SERINC5: variants seen among roughly 807,000 people sequenced by gnomAD.
SERINC5 encodes the protein chromosome 5 open reading frame 12.
In SERINC5, 41 loss-of-function variants were observed where a neutral mutation model predicts 63.1. The ratio of observed to expected loss-of-function variants is 0.65; its 90% CI spans 0.51 to 0.84. The LOEUF (loss-of-function observed/expected upper bound fraction) is 0.84, where lower values mean the gene tolerates loss of function less well. SERINC5 is among the 40% of genes least tolerant of loss of function. The pLI is 0.00. For synonymous variants in SERINC5, 222 were observed against 215.2 expected (o/e 1.03, Z -0.28); for missense variants, 523 against 573.0 (o/e 0.91, Z 0.89).
chr5:80,209,077 C>A (rs967337049), intron 1 of SERINC5, among the ~76,000 whole-genome samples: 1 of 152,192 alleles, frequency 6.6e-6, no homozygotes. Context: ...GCCTGGCCAA[C>A]CTGGCCAACA....
At chr5:80,232,327 C>T (rs1314514856) in intron 1 of SERINC5, among the ~76,000 whole-genome samples, 1 of 151,760 alleles carries the variant, frequency 6.6e-6, no homozygotes, top group Non-Finnish European at 1.5e-5. Flanking sequence ...TGGCAAGAAC[C>T]CGGGATGTGG....
intron 1 of SERINC5, among the ~76,000 whole-genome samples, chr5:80,208,303 G>T (rs1750267066): frequency 6.6e-6 from 1 of 151,564 alleles, no homozygotes; most frequent in Non-Finnish European, 1.5e-5. Context: ...CCGTGCAAGT[G>T]GGGAGGGGAG....
At chr5:80,198,808 G>T in intron 2 of SERINC5, 1 of 639,918 alleles carries the variant, frequency 1.6e-6, no homozygotes, top group Non-Finnish European at 1.9e-6. Flanking sequence ...AAAAGGATTG[G>T]TTTCACCCAC....
chr5:80,132,932 C>G (rs1745005211), intron 11 of SERINC5, among the ~76,000 whole-genome samples: 1 of 152,174 alleles, frequency 6.6e-6, no homozygotes, highest in Non-Finnish European at 1.5e-5. Context: ...CTGTTGGTGT[C>G]TTCACATGGT....
intron 1 of SERINC5, among the ~76,000 whole-genome samples, chr5:80,241,591 CTTGG>C (rs1751944222): frequency 6.6e-6 from 1 of 152,074 alleles, no homozygotes; most frequent in Non-Finnish European, 1.5e-5. Context: ...GTTTCAGTTA[CTTGG>C]TAGGCTGAGG....
Position 80,140,331 on chromosome 5 carries a change from AAG to A in SERINC5, c.*3330_*3331del. ...AAAAAAAAAAAAAAAAAAAAAAAAA[AAG>A]GCTTAGGGTGACAATTTTGACATGG... On this transcript the variant is annotated 3_prime_UTR_variant, in exon 12 of 12. Transcript: ENST00000507668. 2 of 834,938 alleles carry A rather than the reference AAG, an allele frequency of 2.4e-6. No individual in the cohort carries two copies. The highest frequency in any genetic ancestry group is 1.1e-4 in the South Asian group (2 of 17,702). 51.7% of individuals were successfully genotyped at this position (834,938 alleles called of 1,614,324 possible).
chr5:80,193,692 G>A (rs558018502), intron 2 of SERINC5, among the ~76,000 whole-genome samples: 1 of 152,224 alleles, frequency 6.6e-6, no homozygotes, highest in Admixed American at 6.5e-5. Flanking sequence ...ACTCTCAGCA[G>A]AATATCCATT....
At chr5:80,146,634 T>G (rs1745844932) in intron 10 of SERINC5, among the ~76,000 whole-genome samples, 3 of 152,082 alleles carry the variant, frequency 2.0e-5, no homozygotes, top group Admixed American at 2.0e-4. Flanking sequence ...GTATTGTTTT[T>G]TAGTAGAGAC....
chr5:80,130,637 A>C (rs549247053), intron 11 of SERINC5, among the ~76,000 whole-genome samples: 59 of 152,292 alleles, frequency 3.9e-4, no homozygotes, highest in Non-Finnish European at 7.9e-4. Flanking sequence ...CTATCTACCT[A>C]AGTATCACCC....
chr5:80,205,107 C>G lies in SERINC5; in HGVS notation c.28-2054G>C, dbSNP rs542619430. Among the ~76,000 whole-genome samples the G allele has an allele frequency of 8.1e-4, 124 of 152,164 alleles. 1 individual carries two copies. The highest frequency in any genetic ancestry group is 3.2e-3 in the Middle Eastern group (1 of 316). ...TACCCAACACATGCCCGTGTCTGCA[C>G]TGATAAGGAGAGTTACACAGACAGC... On this transcript the variant is annotated intron_variant, in intron 1 of 11. Coordinates refer to ENST00000507668, the MANE Select transcript of SERINC5 (RefSeq NM_001174072.3).
At chr5:80,237,757 GA>G (rs1032484554) in intron 1 of SERINC5, among the ~76,000 whole-genome samples, 91 of 143,298 alleles carry the variant, frequency 6.4e-4, no homozygotes, top group African/African-American at 7.4e-4. Context: ...CCCTCTGCAA[GA>G]AAAAAAAAAA....
chr5:80,254,280 C>T (rs1225804233), intron 1 of SERINC5, among the ~76,000 whole-genome samples: 1 of 152,188 alleles, frequency 6.6e-6, no homozygotes, highest in East Asian at 1.9e-4. Flanking sequence ...ACAGTGTGAT[C>T]ACCATCACAC....
intron 6 of SERINC5, among the ~76,000 whole-genome samples, 181 bp downstream of exon 6, chr5:80,169,154 C>T (rs2112383381): frequency 6.6e-6 from 1 of 152,314 alleles, no homozygotes; most frequent in African/African-American, 2.4e-5. Context: ...TTGGCTATCA[C>T]AGCTCGAGCA....
chr5:80,198,491 C>A, intron 2 of SERINC5: 1 of 983,512 alleles, frequency 1.0e-6, no homozygotes, highest in Non-Finnish European at 1.2e-6. Flanking sequence ...CGCTCCTAAC[C>A]CACATACCAA....
intron 9 of SERINC5, 118 bp downstream of exon 9, chr5:80,150,764 T>G: frequency 3.8e-6 from 3 of 786,604 alleles, no homozygotes; most frequent in Non-Finnish European, 6.7e-6. Context: ...CAAAAATCTT[T>G]CCTCAGCAGA....
chr5:80,243,708 C>G (rs1339258016), intron 1 of SERINC5, among the ~76,000 whole-genome samples: 1 of 151,248 alleles, frequency 6.6e-6, no homozygotes, highest in Non-Finnish European at 1.5e-5. Flanking sequence ...GAGTTTGGGA[C>G]CAGCCTGGGC....
chr5:80,151,835 A>G (rs1311507611), intron 8 of SERINC5, among the ~76,000 whole-genome samples: 1 of 152,150 alleles, frequency 6.6e-6, no homozygotes, highest in Non-Finnish European at 1.5e-5. Flanking sequence ...CTGGCCTGAC[A>G]TGGGCGGGCG....
At chr5:80,254,695 TTC>T (rs1024139650) in intron 1 of SERINC5, among the ~76,000 whole-genome samples, 2 of 152,190 alleles carry the variant, frequency 1.3e-5, no homozygotes, top group African/African-American at 4.8e-5. Flanking sequence ...CTCATTCTCT[TTC>T]TCTCTCTGCC....
intron 2 of SERINC5, among the ~76,000 whole-genome samples, chr5:80,200,041 C>T (rs75676263): frequency 2.0e-5 from 3 of 152,182 alleles, no homozygotes; most frequent in Non-Finnish European, 2.9e-5. Context: ...GCCTGTAGTC[C>T]CAACTACTCA....
Sources: allele counts gnomAD v4.1 joint callset (sites outside exome capture counted in the v4.1 genomes callset), GRCh38; gene constraint gnomAD v4.1.1; transcripts MANE v1.5; gene names NCBI Gene and HGNC (gene_info 2026-07-23, HGNC 2026-07-21).